The following GPC5 variants were observed in gnomAD, a reference collection of about 807,000 sequenced individuals.
The protein encoded by GPC5 is glypican 5, also known as glypican-5.
A neutral mutation model predicts 53.9 loss-of-function variants in GPC5; 47 were observed. The observed-to-expected ratio is 0.87, with a 90% CI of 0.69 to 1.11. The LOEUF is 1.11. GPC5 is among the 50% of genes most tolerant of loss of function. The pLI is 0.00. For missense variants in GPC5, 748 were observed against 713.1 expected, an observed-to-expected ratio of 1.05 and a Z score of -0.56; for synonymous variants, 286 against 263.3, an observed-to-expected ratio of 1.09 and a Z score of -0.84.
chr13:91,503,688 G>A lies in GPC5; in HGVS notation c.325+54766G>A, dbSNP rs528693504. On this transcript the variant is annotated intron_variant, in intron 2 of 7. Transcript: ENST00000377067. ...CCTGCTTCTTCGTAGGCTGAGGCAG[G>A]AGAATTGCTTGAACCAGGGAGTTGG... Among the ~76,000 whole-genome samples, 53 of 151,324 alleles carry A rather than the reference G, an allele frequency of 3.5e-4. No individual in the cohort carries two copies. The East Asian group carries it at 8.2e-3, about 23-fold the overall frequency.
At chr13:92,368,594 A>T (rs1209256019) in intron 7 of GPC5, among the ~76,000 whole-genome samples, 1 of 138,216 alleles carries the variant, frequency 7.2e-6, no homozygotes, top group African/African-American at 2.6e-5. Context: ...CCAAGATCGC[A>T]CCACTACATT....
At chr13:92,469,159 T>C (rs1216364391) in intron 7 of GPC5, among the ~76,000 whole-genome samples, 1 of 152,222 alleles carries the variant, frequency 6.6e-6, no homozygotes, top group Non-Finnish European at 1.5e-5. Context: ...ATTTTTACAT[T>C]ATTTAAAACA....
intron 7 of GPC5, among the ~76,000 whole-genome samples, chr13:92,279,985 G>A (rs61966608): frequency 0.044 from 6,696 of 152,016 alleles, 166 homozygotes; most frequent in East Asian, 0.065. Flanking sequence ...TAGAATTTGT[G>A]TTAATTCTTT....
intron 7 of GPC5, among the ~76,000 whole-genome samples, chr13:92,854,753 T>C (rs909639116): frequency 6.6e-6 from 1 of 151,970 alleles, no homozygotes; most frequent in African/African-American, 2.4e-5. Flanking sequence ...TATGTGTTTG[T>C]TTTTTGAGTC....
At chr13:91,857,415 G>T (rs1277492163) in intron 5 of GPC5, among the ~76,000 whole-genome samples, 1 of 151,284 alleles carries the variant, frequency 6.6e-6, no homozygotes, top group Non-Finnish European at 1.5e-5. Context: ...TAGTTTTCAG[G>T]ATAGTATTAC....
chr13:92,080,528 A>G (rs1034218800), intron 6 of GPC5, among the ~76,000 whole-genome samples: 2 of 152,144 alleles, frequency 1.3e-5, no homozygotes, highest in African/African-American at 4.8e-5. Flanking sequence ...GATTTTCTAC[A>G]TCCATCATAT....
At chr13:91,731,059 T>A (rs2036686634) in intron 4 of GPC5, among the ~76,000 whole-genome samples, 2 of 152,248 alleles carry the variant, frequency 1.3e-5, no homozygotes, top group South Asian at 4.1e-4. Context: ...CTGTCTACCA[T>A]GGACTGGGAA....
chr13:92,455,891 G>T (rs1248685070), intron 7 of GPC5, among the ~76,000 whole-genome samples: 1 of 152,140 alleles, frequency 6.6e-6, no homozygotes, highest in Non-Finnish European at 1.5e-5. Context: ...ATCAAAAAAC[G>T]TGTCTCTTTT....
rs140547571 is a variant in GPC5, at chr13:91,782,926, T to C, written c.1280+26506T>C. 2.6e-5 allele frequency among the ~76,000 whole-genome samples: 4 copies of C among 152,228 alleles called. No individual in the cohort carries two copies. In the East Asian group the frequency reaches 5.8e-4, roughly 22 times the overall value. ...AATCAGTAAAAGTTAATATGTCTTA[T>C]GTTTTTCTCATTAAGAAAAATAAAA... On this transcript the variant is annotated intron_variant, in intron 5 of 7. Coordinates refer to ENST00000377067, the MANE Select transcript of GPC5 (RefSeq NM_004466.6).
chr13:92,257,854 G>A (rs1383377728), intron 7 of GPC5, among the ~76,000 whole-genome samples: 4 of 151,936 alleles, frequency 2.6e-5, no homozygotes, highest in Non-Finnish European at 5.9e-5. Context: ...CTGGCCTACA[G>A]GGGTGTTTAG....
rs115345827 is a variant in GPC5 at position 92,033,021 on chromosome 13, C to T, written c.1402-111809C>T. 1.0e-3 allele frequency among the ~76,000 whole-genome samples: 148 copies of T among 142,268 alleles called. 1 individual carries two copies. The highest frequency in any genetic ancestry group is 3.7e-3 in the African/African-American group (138 of 37,390). The allele number at this position is 142,268 out of a possible 152,430, so 93.3% of individuals were successfully genotyped here. A position where few individuals can be genotyped will look rare whatever the true frequency, so the allele number is the denominator to read the frequency against. On this transcript the variant is annotated intron_variant, in intron 6 of 7. Transcript: ENST00000377067. The stretch of plus-strand genomic sequence containing the variant: ...GAAGCAGCCCTGTTGTTCTTCTGCC[C>T]GGGCTAGTTATTGTCGTGTGTGTGT...
At chr13:92,147,195 A>T (rs1566456078) in intron 7 of GPC5, among the ~76,000 whole-genome samples, 1 of 150,014 alleles carries the variant, frequency 6.7e-6, no homozygotes, top group East Asian at 1.9e-4. Context: ...ACTAGAAACA[A>T]TTTTTTTTTT....
chr13:91,660,430 C>T (rs1422344847), intron 2 of GPC5, among the ~76,000 whole-genome samples: 1 of 152,186 alleles, frequency 6.6e-6, no homozygotes, highest in Non-Finnish European at 1.5e-5. Flanking sequence ...CATGATTGAG[C>T]TTGGAAGCAG....
intron 7 of GPC5, among the ~76,000 whole-genome samples, chr13:92,393,677 A>C (rs1360393089): frequency 4.6e-5 from 7 of 152,100 alleles, no homozygotes; most frequent in African/African-American, 2.4e-5. Flanking sequence ...TTACGAACAC[A>C]AAGAAGGAAA....
Position 92,823,085 on chromosome 13 carries a change from C to T in GPC5, c.1562-43197C>T, listed in dbSNP as rs1877727373. Reference sequence around the variant, plus strand: ...ATTTAGTAAAATGGACAAAAATGACCTCCAGGTGGAAATAACTATATTTTT... The same window carrying T: ...ATTTAGTAAAATGGACAAAAATGACTTCCAGGTGGAAATAACTATATTTTT... On this transcript the variant is annotated intron_variant, in intron 7 of 7. Coordinates refer to ENST00000377067, the MANE Select transcript of GPC5 (RefSeq NM_004466.6). Among the ~76,000 whole-genome samples the T allele has an allele frequency of 3.3e-5, 5 of 152,116 alleles. 1 individual carries two copies. Among genetic ancestry groups the T allele is most frequent in the Non-Finnish European group, 1.5e-5 (1 of 67,966 alleles).
intron 7 of GPC5, among the ~76,000 whole-genome samples, chr13:92,787,821 G>A (rs1333161790): frequency 6.7e-6 from 1 of 149,912 alleles, no homozygotes; most frequent in Admixed American, 6.7e-5. Context: ...AGGCTGCAGT[G>A]AGCTATGATT....
At chr13:92,116,275 A>ACC (rs2041600794) in intron 6 of GPC5, among the ~76,000 whole-genome samples, 3 of 149,644 alleles carry the variant, frequency 2.0e-5, no homozygotes, top group Admixed American at 1.3e-4. Flanking sequence ...ACAAACAAAA[A>ACC]AAAAAAAACA....
chr13:92,852,270 G>T (rs1485975373), intron 7 of GPC5, among the ~76,000 whole-genome samples: 1 of 152,162 alleles, frequency 6.6e-6, no homozygotes, highest in Non-Finnish European at 1.5e-5. Flanking sequence ...CCATTACGTT[G>T]TAGCGTGTTT....
intron 5 of GPC5, among the ~76,000 whole-genome samples, chr13:91,793,728 A>C (rs915251376): frequency 6.6e-6 from 1 of 152,080 alleles, no homozygotes; most frequent in East Asian, 1.9e-4. Context: ...ATCATGGGGG[A>C]AGGCAAAGGA....
Sources: allele counts gnomAD v4.1 joint callset (sites outside exome capture counted in the v4.1 genomes callset), GRCh38; gene constraint gnomAD v4.1.1; transcripts MANE v1.5; gene names NCBI Gene and HGNC (gene_info 2026-07-23, HGNC 2026-07-21).